Variants in TMCC1 observed in about 807,000 individuals in gnomAD.
The protein encoded by TMCC1 is transmembrane and coiled-coil domains protein 1.
In TMCC1, 15 loss-of-function variants were observed where a neutral mutation model predicts 52.4. The observed-to-expected ratio is 0.29, with a 90% CI of 0.19 to 0.44. The LOEUF is 0.44. Ranked by LOEUF, TMCC1 falls within the 20% of genes least tolerant of loss-of-function variation. The pLI, the probability that TMCC1 is intolerant of heterozygous loss-of-function variation, is 1.00. For missense variants in TMCC1, 503 were observed against 806.0 expected (o/e 0.62, Z 4.55); for synonymous variants, 279 against 301.9 (o/e 0.92, Z 0.79).
chr3:129,724,094 G>C (rs998497335), intron 4 of TMCC1, among the ~76,000 whole-genome samples: 25 of 152,034 alleles, frequency 1.6e-4, no homozygotes, highest in African/African-American at 4.6e-4. Context: ...ACTTACTCCA[G>C]CCCTGTGAGG....
chr3:129,723,628 C>T (rs557292465), intron 4 of TMCC1, among the ~76,000 whole-genome samples: 19 of 152,242 alleles, frequency 1.2e-4, no homozygotes, highest in Non-Finnish European at 2.5e-4. Flanking sequence ...ACACAAGAGA[C>T]GGGACACTCC....
intron 4 of TMCC1, among the ~76,000 whole-genome samples, chr3:129,678,161 C>T (rs186145520): frequency 1.3e-5 from 2 of 152,068 alleles, no homozygotes; most frequent in African/African-American, 4.8e-5. Context: ...CTCAAGTGAT[C>T]CACCCTCCTT....
At chr3:129,810,172 C>T (rs1280665458) in intron 4 of TMCC1, among the ~76,000 whole-genome samples, 1 of 152,082 alleles carries the variant, frequency 6.6e-6, no homozygotes, top group Admixed American at 6.6e-5. Context: ...GCCTGGGCAA[C>T]ATGGTAAAAC....
chr3:129,868,810 T>C (rs552314674), intron 2 of TMCC1: 3 of 152,310 alleles, frequency 2.0e-5, no homozygotes, highest in South Asian at 2.1e-4. Flanking sequence ...AATAATCAAA[T>C]TGGTGACCCT....
intron 1 of TMCC1, among the ~76,000 whole-genome samples, chr3:129,885,007 G>A (rs1364493124): frequency 6.6e-6 from 1 of 151,838 alleles, no homozygotes; most frequent in Non-Finnish European, 1.5e-5. Context: ...GAGACGGTGG[G>A]ACACACCTGC....
intron 4 of TMCC1, among the ~76,000 whole-genome samples, chr3:129,818,031 A>G (rs1472431805): frequency 2.6e-5 from 4 of 152,052 alleles, no homozygotes; most frequent in Admixed American, 6.6e-5. Context: ...GCTGGTCTCA[A>G]ACTCCTGACC....
intron 2 of TMCC1, among the ~76,000 whole-genome samples, chr3:129,857,687 G>A (rs1032312820): frequency 4.0e-5 from 6 of 151,454 alleles, no homozygotes; most frequent in African/African-American, 1.5e-4. Context: ...TCAGCCTCCT[G>A]AGTAGCTGGG....
chr3:129,881,962 C>G (rs897325066), intron 1 of TMCC1, among the ~76,000 whole-genome samples: 5 of 152,154 alleles, frequency 3.3e-5, no homozygotes, highest in African/African-American at 4.8e-5. Flanking sequence ...TGTTCCAAAT[C>G]TGATGAAAAG....
At chr3:129,847,083 A>G in intron 2 of TMCC1, 1 of 152,056 alleles carries the variant, frequency 6.6e-6, no homozygotes, top group Non-Finnish European at 1.5e-5. Flanking sequence ...TAAACTTCCT[A>G]TGTTTACTGT....
chr3:129,789,239 T>C (rs2056276035), intron 4 of TMCC1, among the ~76,000 whole-genome samples: 1 of 152,170 alleles, frequency 6.6e-6, no homozygotes, highest in African/African-American at 2.4e-5. Context: ...TTAAAAACTG[T>C]AGTAAAATAT....
chr3:129,768,198 G>T (rs79109125), intron 4 of TMCC1, among the ~76,000 whole-genome samples: 2,367 of 152,216 alleles, frequency 0.016, 46 homozygotes, highest in African/African-American at 0.055. Context: ...GAGCAATATC[G>T]TCTCAACAAA....
chr3:129,798,018 G>A (rs1212180579), intron 4 of TMCC1, among the ~76,000 whole-genome samples: 1 of 137,204 alleles, frequency 7.3e-6, no homozygotes, highest in Admixed American at 7.9e-5. Context: ...TTTTTGAGAC[G>A]AAGTCTCGCT....
At chr3:129,702,885 G>A (rs533201453) in intron 4 of TMCC1, among the ~76,000 whole-genome samples, 23 of 152,196 alleles carry the variant, frequency 1.5e-4, no homozygotes, top group African/African-American at 4.6e-4. Flanking sequence ...GCGTGATAGC[G>A]TGCGCCTGTA....
chr3:129,847,385 G>A (rs1400660880), intron 2 of TMCC1: 2 of 152,144 alleles, frequency 1.3e-5, no homozygotes, highest in African/African-American at 4.8e-5. Context: ...GCTCCTAATA[G>A]TGCTTAAAAA....
chr3:129,695,096 C>CAAA (rs11291309), intron 4 of TMCC1, among the ~76,000 whole-genome samples: 11,444 of 35,284 alleles, frequency 0.32, 4,431 homozygotes, highest in Non-Finnish European at 0.42. Flanking sequence ...GACTCTGTCT[C>CAAA]AAAAAAAAAA....
At chr3:129,761,819 C>T (rs1015680667) in intron 4 of TMCC1, among the ~76,000 whole-genome samples, 5 of 151,812 alleles carry the variant, frequency 3.3e-5, no homozygotes, top group Non-Finnish European at 5.9e-5. Flanking sequence ...GGTGAAACCC[C>T]ATCTCTACTA....
chr3:129,802,365 G>C (rs1161847646), intron 4 of TMCC1, among the ~76,000 whole-genome samples: 3 of 152,186 alleles, frequency 2.0e-5, no homozygotes, highest in Admixed American at 6.5e-5. Context: ...AGTGATACTT[G>C]AGAGTATACT....
chr3:129,849,787 A>G (rs1272795361), intron 2 of TMCC1, among the ~76,000 whole-genome samples: 16 of 150,636 alleles, frequency 1.1e-4, no homozygotes, highest in Non-Finnish European at 1.3e-4. Context: ...AAAAATAAAA[A>G]AAGTATCTCT....
At chr3:129,760,737 A>G (rs2053501977) in intron 4 of TMCC1, among the ~76,000 whole-genome samples, 1 of 151,366 alleles carries the variant, frequency 6.6e-6, no homozygotes, top group Non-Finnish European at 1.5e-5. Flanking sequence ...TCGGGCTTCC[A>G]AAGTGCTGGG....
Sources: gnomAD v4.1 joint callset for allele counts (sites outside exome capture counted in the v4.1 genomes callset) on GRCh38, gnomAD v4.1.1 for gene constraint, MANE v1.5 for transcripts, NCBI Gene and HGNC (gene_info 2026-07-23, HGNC 2026-07-21) for gene names.